Variants in CALD1 observed in about 807,000 individuals in gnomAD.
CALD1 encodes the protein caldesmon 1.
Under a neutral mutation model 99.9 loss-of-function variants are expected in CALD1, and 33 were observed. The observed-to-expected ratio is 0.33, with a 90% confidence interval of 0.25 to 0.44. The LOEUF (loss-of-function observed/expected upper bound fraction) is 0.44, where lower values mean the gene tolerates loss of function less well. CALD1 is among the 20% of genes least tolerant of loss of function. The probability of loss-of-function intolerance (pLI) is 1.00; values close to 1 mark genes in which losing one functional copy is unlikely to be tolerated. For synonymous variants in CALD1, 310 were observed against 325.0 expected, an observed-to-expected ratio of 0.95 and a Z score of 0.50; for missense variants, 861 against 962.1, an observed-to-expected ratio of 0.89 and a Z score of 1.39.
chr7:134,788,840 C>T (rs1289044626), intron 1 of CALD1, among the ~76,000 whole-genome samples: 7 of 151,914 alleles, frequency 4.6e-5, no homozygotes, highest in Non-Finnish European at 7.4e-5. Flanking sequence ...AATGGTGAAA[C>T]ACTGCCTCTA....
At chr7:134,886,655 G>A (rs914722838) in intron 3 of CALD1, among the ~76,000 whole-genome samples, 1 of 152,182 alleles carries the variant, frequency 6.6e-6, no homozygotes, top group African/African-American at 2.4e-5. Flanking sequence ...GAGACTAAAG[G>A]ATGACTTAAT....
Position 134,933,624 on chromosome 7 carries a change from C to T in CALD1, c.855C>T (p.Asp285=). 6.2e-7 allele frequency: 1 copy of T among 1,611,130 alleles called. No individual in the cohort carries two copies. Among genetic ancestry groups the T allele is most frequent in the Non-Finnish European group, 8.5e-7 (1 of 1,178,822 alleles). The change falls in exon 5 of 15, where the codon GAC becomes GAT. Residue 285 remains aspartate (D), a synonymous_variant. Coordinates refer to ENST00000361675, the MANE Select transcript of CALD1 (RefSeq NM_033138.4). ...GAGAAAGAATTAAAGCCGAGCAAGA[C>T]AAAAAGATAGCAGATGAACGAGCAA... ...EERERIKAEQ[D]KKIADERARI...
chr7:134,855,138 A>G (rs1336472592), intron 2 of CALD1, among the ~76,000 whole-genome samples: 1 of 152,212 alleles, frequency 6.6e-6, no homozygotes, highest in Non-Finnish European at 1.5e-5. Context: ...TATAAATTAC[A>G]CAGTCTCAGA....
At chr7:134,878,830 T>C (rs1901719) in intron 3 of CALD1, among the ~76,000 whole-genome samples, 34,494 of 151,652 alleles carry the variant, frequency 0.23, 4,340 homozygotes, top group African/African-American at 0.32. Context: ...TAGCTGGATG[T>C]GGTAGTGTGT....
chr7:134,794,247 G>A (rs1797661264), intron 1 of CALD1, among the ~76,000 whole-genome samples: 1 of 152,190 alleles, frequency 6.6e-6, no homozygotes, highest in South Asian at 2.1e-4. Context: ...AGCCATGCCT[G>A]TTACTGTTAC....
intron 1 of CALD1, among the ~76,000 whole-genome samples, chr7:134,842,301 G>A (rs1799682299): frequency 6.6e-6 from 1 of 152,182 alleles, no homozygotes; most frequent in African/African-American, 2.4e-5. Flanking sequence ...AAACTTCTCA[G>A]TGCTTATCCT....
chr7:134,942,544 A>C (rs964973243), intron 7 of CALD1, among the ~76,000 whole-genome samples: 10 of 152,248 alleles, frequency 6.6e-5, no homozygotes, highest in Non-Finnish European at 1.2e-4. Flanking sequence ...CCAAGAGAAT[A>C]GATGTGAAAA....
rs538326980 is a variant in CALD1, at chr7:134,905,972, C to A, written c.72-22782C>A. Reference sequence around the variant, plus strand: ...GAGACAGAGTTTTGCTCTTGTCTCCCATTCTGGAGTGCAGTGGTGCGATCT... The same window carrying A: ...GAGACAGAGTTTTGCTCTTGTCTCCAATTCTGGAGTGCAGTGGTGCGATCT... On this transcript the variant is annotated intron_variant, in intron 3 of 14. Transcript: ENST00000361675. Among the ~76,000 whole-genome samples, 7 of 137,102 alleles carry A rather than the reference C, an allele frequency of 5.1e-5. No individual in the cohort carries two copies. In the South Asian group the frequency reaches 1.6e-3, roughly 32 times the overall value. The allele number at this position is 137,102 out of a possible 152,430, so 89.9% of individuals were successfully genotyped here. A position where few individuals can be genotyped will look rare whatever the true frequency, so the allele number is the denominator to read the frequency against.
At position 134,970,329 on chromosome 7, in the gene CALD1, GA is replaced by G. The variant is rs1808959486; in HGVS notation, c.*1988del. On this transcript the variant is annotated 3_prime_UTR_variant, in exon 15 of 15. Transcript: ENST00000361675. ...CTGATCACTATTACATATTTTTCTAGAAAATCTAAAGTTCAGAAGAGAATGT... is the reference window on the plus strand; with the variant it reads ...CTGATCACTATTACATATTTTTCTAGAAATCTAAAGTTCAGAAGAGAATGT... 6.6e-6 allele frequency: 1 copy of G among 152,190 alleles called. No individual in the cohort carries two copies. Among genetic ancestry groups the G allele is most frequent in the Non-Finnish European group, 1.5e-5 (1 of 68,034 alleles). 9.4% of individuals were successfully genotyped at this position (152,190 alleles called of 1,614,324 possible). A position where few individuals can be genotyped will look rare whatever the true frequency, so the allele number is the denominator to read the frequency against.
At position 134,849,603 on chromosome 7, in the gene CALD1, G is replaced by A. The variant is rs531791609; in HGVS notation, c.-42+5632G>A. ...ATTGTTGTATGGTTTTTTTAATTGC[G>A]TTGGTTTTTTTTAAAAATATATTTT... On this transcript the variant is annotated intron_variant, in intron 2 of 14. Transcript: ENST00000361675. Among the ~76,000 whole-genome samples the A allele has an allele frequency of 1.4e-4, 21 of 151,580 alleles. 1 individual carries two copies. Among genetic ancestry groups the A allele is most frequent in the African/African-American group, 4.4e-4 (18 of 41,232 alleles).
chr7:134,813,075 G>A (rs751368539), intron 1 of CALD1, among the ~76,000 whole-genome samples: 3 of 152,164 alleles, frequency 2.0e-5, no homozygotes, highest in South Asian at 2.1e-4. Flanking sequence ...TGTGTCAAAC[G>A]CTCATGTATT....
At chr7:134,712,490 A>G in the CALD1 span, among the ~76,000 whole-genome samples, 1 of 152,172 alleles carries the variant, frequency 6.6e-6, no homozygotes. Context: ...GTAGTCACCC[A>G]CAAAGCAGCC....
rs141098497 is a variant in CALD1 at position 134,782,123 on chromosome 7, T to A, written c.-130+2374T>A. 3.1e-3 allele frequency among the ~76,000 whole-genome samples: 465 copies of A among 152,366 alleles called. 5 individuals carry two copies. Among genetic ancestry groups the A allele is most frequent in the African/African-American group, 0.011 (440 of 41,592 alleles). ...GTAATTGTCTCCATTTGCCATTTTCTTGATAGCATGATTACCAGTTAGTCA... is the reference window on the plus strand; with the variant it reads ...GTAATTGTCTCCATTTGCCATTTTCATGATAGCATGATTACCAGTTAGTCA... On this transcript the variant is annotated intron_variant, in intron 1 of 14. Transcript: ENST00000361675.
chr7:134,914,772 A>C (rs930969216), intron 3 of CALD1, among the ~76,000 whole-genome samples: 2 of 152,200 alleles, frequency 1.3e-5, no homozygotes, highest in African/African-American at 4.8e-5. Context: ...CAAAAGAGCC[A>C]GCTTGAATAC....
chr7:134,770,893 A>G (rs982276231), intron 1 of CALD1, among the ~76,000 whole-genome samples: 1 of 152,212 alleles, frequency 6.6e-6, no homozygotes, highest in Non-Finnish European at 1.5e-5. Flanking sequence ...GGCAAACCAC[A>G]TGGTCAAGTC....
intron 1 of CALD1, among the ~76,000 whole-genome samples, chr7:134,827,780 ATGAC>A (rs1441808277): frequency 4.6e-5 from 7 of 152,220 alleles, no homozygotes; most frequent in Admixed American, 4.6e-4. Flanking sequence ...TCAGATAGAG[ATGAC>A]TTTTTTCATT....
At chr7:134,840,124 C>T (rs1278661000) in intron 1 of CALD1, among the ~76,000 whole-genome samples, 1 of 152,084 alleles carries the variant, frequency 6.6e-6, no homozygotes, top group African/African-American at 2.4e-5. Flanking sequence ...TTTGCCTATC[C>T]CAAAATCATG....
At chr7:134,753,023 CAAAA>C (rs1190864560) in intron 1 of CALD1, among the ~76,000 whole-genome samples, 1 of 48,624 alleles carries the variant, frequency 2.1e-5, no homozygotes. Context: ...AAAAAAAAAA[CAAAA>C]AAAAACAAAA....
chr7:134,742,028 C>CAG (rs1796596574), upstream of CALD1, among the ~76,000 whole-genome samples: 1 of 151,900 alleles, frequency 6.6e-6, no homozygotes, highest in African/African-American at 2.4e-5. Flanking sequence ...CACACACACA[C>CAG]ACACACACAC....
Sources: gnomAD v4.1 joint callset for allele counts (sites outside exome capture counted in the v4.1 genomes callset) on GRCh38, gnomAD v4.1.1 for gene constraint, MANE v1.5 for transcripts, NCBI Gene and HGNC (gene_info 2026-07-23, HGNC 2026-07-21) for gene names.